Variants in IP6K2 observed in about 807,000 individuals in gnomAD.
IP6K2 encodes inositol hexakisphosphate kinase 2, also known as ATP:1D-myo-inositol-hexakisphosphate phosphotransferase.
IP6K2 carries 9 observed loss-of-function variants against 43.3 expected under a neutral mutation model. The observed-to-expected ratio is 0.21, with a 90% CI of 0.13 to 0.36. The LOEUF (loss-of-function observed/expected upper bound fraction) is 0.36, where lower values mean the gene tolerates loss of function less well. IP6K2 is among the 10% of genes least tolerant of loss of function. The probability of loss-of-function intolerance (pLI) is 1.00; values close to 1 mark genes in which losing one functional copy is unlikely to be tolerated. For synonymous variants in IP6K2, 209 were observed against 202.4 expected (o/e 1.03, Z -0.28); for missense variants, 332 against 538.4 (o/e 0.62, Z 3.79).
At chr3:48,716,807 G>A (rs1042829176) in intron 1 of IP6K2, among the ~76,000 whole-genome samples, 3 of 152,072 alleles carry the variant, frequency 2.0e-5, no homozygotes, top group African/African-American at 4.8e-5. Context: ...ACCCCTCAAT[G>A]ACACCGTAGA....
At chr3:48,710,436 G>A (rs951561197) in intron 1 of IP6K2, among the ~76,000 whole-genome samples, 10 of 152,104 alleles carry the variant, frequency 6.6e-5, no homozygotes, top group African/African-American at 2.4e-4. Flanking sequence ...CAGCAGTGAA[G>A]GTCAACAAGG....
chr3:48,698,292 T>TG (rs2078634085), intron 1 of IP6K2, among the ~76,000 whole-genome samples: 1 of 152,106 alleles, frequency 6.6e-6, no homozygotes, highest in Non-Finnish European at 1.5e-5. Flanking sequence ...AAAGCACATG[T>TG]CAGGTACCAT....
chr3:48,702,962 C>A (rs2079233647), intron 1 of IP6K2, among the ~76,000 whole-genome samples: 1 of 152,204 alleles, frequency 6.6e-6, no homozygotes, highest in South Asian at 2.1e-4. Context: ...AATCATCATC[C>A]AAATCCACAC....
intron 1 of IP6K2, 93 bp downstream of exon 1, chr3:48,717,064 G>A (rs1334089310): frequency 6.5e-6 from 1 of 154,794 alleles, no homozygotes; most frequent in Non-Finnish European, 1.5e-5. Context: ...TAACCTGGGA[G>A]ACTCCAATGA....
At chr3:48,712,956 T>G (rs1209143655) in intron 1 of IP6K2, among the ~76,000 whole-genome samples, 1 of 151,788 alleles carries the variant, frequency 6.6e-6, no homozygotes, top group African/African-American at 2.4e-5. Context: ...GAGGTTGCAA[T>G]GAGCCGAGAT....
At chr3:48,707,182 C>T (rs2079893290) in intron 1 of IP6K2, among the ~76,000 whole-genome samples, 1 of 152,188 alleles carries the variant, frequency 6.6e-6, no homozygotes, top group African/African-American at 2.4e-5. Flanking sequence ...TCTGAGCACA[C>T]ATTACCTTTA....
chr3:48,692,045 C>A (rs1343048777), intron 3 of IP6K2, among the ~76,000 whole-genome samples: 1 of 152,018 alleles, frequency 6.6e-6, no homozygotes, highest in Non-Finnish European at 1.5e-5. Flanking sequence ...ATTGGTCAGG[C>A]TGGTCTCGAA....
At chr3:48,716,488 A>G (rs777240242) in intron 1 of IP6K2, 1 of 152,258 alleles carries the variant, frequency 6.6e-6, no homozygotes, top group African/African-American at 2.4e-5. Context: ...CTAAAATGAA[A>G]TAAGCCATTA....
In IP6K2 at chr3:48,688,995, C is replaced by G. The variant is rs1286981015; in HGVS notation, c.781-222G>C. Among the ~76,000 whole-genome samples the G allele has an allele frequency of 6.6e-6, 1 of 152,244 alleles. No homozygotes were observed. Among genetic ancestry groups the G allele is most frequent in the African/African-American group, 2.4e-5 (1 of 41,468 alleles). On this transcript the variant is annotated intron_variant, in intron 5 of 5. Coordinates refer to ENST00000328631, the MANE Select transcript of IP6K2 (RefSeq NM_016291.4). This position sits in a 1 kb window ranked among gnomAD's most constrained non-coding sequence, Gnocchi z 5.1. Reference sequence around the variant, plus strand: ...GTCATTGTGCCCCAGCACCCCACCTCAACATCTGGGTCACTGGAGAGGACC... The same window carrying G: ...GTCATTGTGCCCCAGCACCCCACCTGAACATCTGGGTCACTGGAGAGGACC...
At chr3:48,693,286 T>G in intron 2 of IP6K2, 107 bp from the exon 3 acceptor site, 2 of 1,175,012 alleles carry the variant, frequency 1.7e-6, no homozygotes, top group Non-Finnish European at 2.6e-6. Context: ...CCTTAGTCTC[T>G]ATGTTGCCAG....
chr3:48,705,316 C>T (rs1475442321), intron 1 of IP6K2, among the ~76,000 whole-genome samples: 1 of 152,060 alleles, frequency 6.6e-6, no homozygotes, highest in Non-Finnish European at 1.5e-5. Flanking sequence ...GTCAGCCTCC[C>T]AAAGTGCTGG....
Position 48,695,611 on chromosome 3 carries a change from G to T in IP6K2, c.-130-190C>A. 1.5e-6 allele frequency: 1 copy of T among 666,564 alleles called. No individual in the cohort carries two copies. Among genetic ancestry groups the T allele is most frequent in the Non-Finnish European group, 2.1e-6 (1 of 466,774 alleles). 41.3% of individuals were successfully genotyped at this position (666,564 alleles called of 1,614,324 possible). On this transcript the variant is annotated intron_variant, in intron 1 of 5. Coordinates refer to ENST00000328631, the MANE Select transcript of IP6K2 (RefSeq NM_016291.4). The surrounding 1 kb of genome is among the most constrained non-coding windows in gnomAD (Gnocchi z 4.6). ...AACAAAAACACTATGAGCTCATGGG[G>T]CGGGGTTAGATGCAGACAGGCAGGG...
intron 1 of IP6K2, among the ~76,000 whole-genome samples, chr3:48,705,405 G>A (rs1162602000): frequency 5.9e-5 from 9 of 152,052 alleles, no homozygotes; most frequent in East Asian, 5.8e-4. Context: ...GGGGCCGGGC[G>A]CGGTGGCTCA....
At position 48,689,631 on chromosome 3, in the gene IP6K2, A is replaced by T. The variant is rs762975452; in HGVS notation, c.687T>A (p.Gly229=). The change falls in exon 5 of 6, where the codon GGT becomes GGA. Residue 229 remains glycine (G), a synonymous_variant. Transcript: ENST00000328631. ...CTGCCTTCTCCTCTGAAGCATCATC[A>T]CCATGTTGTCGTGTGCCCATCTTGA... ...LDLKMGTRQH[G]DDASEEKAAN... 6.2e-7 allele frequency: 1 copy of T among 1,614,090 alleles called. No individual in the cohort carries two copies. The highest frequency in any genetic ancestry group is 1.7e-5 in the Admixed American group (1 of 60,014).
At chr3:48,711,247 C>G (rs73830603) in intron 1 of IP6K2, 83 of 152,332 alleles carry the variant, frequency 5.4e-4, no homozygotes, top group African/African-American at 1.8e-3. Context: ...GAATCTAAAC[C>G]TGTCAGCTGC....
At chr3:48,690,793 A>G (rs2077706168) in intron 4 of IP6K2, among the ~76,000 whole-genome samples, 4 of 151,476 alleles carry the variant, frequency 2.6e-5, no homozygotes. Flanking sequence ...GTCTCAAAAA[A>G]AAAAAAAAAA....
chr3:48,715,584 G>T, intron 1 of IP6K2: 2 of 987,164 alleles, frequency 2.0e-6, no homozygotes, highest in Non-Finnish European at 3.0e-6. Flanking sequence ...AGATCTCCCA[G>T]GTCCCTGCCT....
intron 1 of IP6K2, among the ~76,000 whole-genome samples, chr3:48,711,075 A>C (rs774567828): frequency 1.4e-4 from 22 of 151,956 alleles, no homozygotes; most frequent in Non-Finnish European, 2.8e-4. Flanking sequence ...TGTCGAGCTA[A>C]TTTTTTGTTA....
At position 48,698,620 on chromosome 3, in the gene IP6K2, G is replaced by A. The variant is rs1405093029; in HGVS notation, c.-130-3199C>T. On this transcript the variant is annotated intron_variant, in intron 1 of 5. Transcript: ENST00000328631. ...GAGAAGCTGAGGACTATAGGCGCAC[G>A]CCACCACGCCTGGCTAATTTTTTTG... 3.9e-5 allele frequency among the ~76,000 whole-genome samples: 6 copies of A among 152,214 alleles called. No individual in the cohort carries two copies. The East Asian group carries it at 9.7e-4, about 25-fold the overall frequency.
Sources: gnomAD v4.1 joint callset for allele counts (sites outside exome capture counted in the v4.1 genomes callset) on GRCh38, gnomAD v4.1.1 for gene constraint, Gnocchi (gnomAD v3.1) non-coding constraint, MANE v1.5 for transcripts, NCBI Gene and HGNC (gene_info 2026-07-23, HGNC 2026-07-21) for gene names.